The following RBFOX1 variants were observed in gnomAD, a reference collection of about 807,000 sequenced individuals.
RBFOX1 encodes the protein RNA binding fox-1 homolog 1, also known as RNA binding protein fox-1 homolog 1.
Under a neutral mutation model 57.7 loss-of-function variants are expected in RBFOX1, and 8 were observed. The observed-to-expected ratio is 0.14, with a 90% CI of 0.08 to 0.25. The LOEUF (loss-of-function observed/expected upper bound fraction) is 0.25, where lower values mean the gene tolerates loss of function less well. Ranked by LOEUF, RBFOX1 falls within the 10% of genes least tolerant of loss-of-function variation. The pLI is 1.00. For synonymous variants in RBFOX1, 326 were observed against 222.4 expected (o/e 1.47, Z -4.15); for missense variants, 611 against 548.5 (o/e 1.11, Z -1.14).
chr16:7,359,915 C>G (rs907717310), intron 4 of RBFOX1, among the ~76,000 whole-genome samples: 3 of 149,470 alleles, frequency 2.0e-5, no homozygotes, highest in Admixed American at 2.0e-4. Flanking sequence ...ACCCAGGAGG[C>G]GGAGCTTGCA....
At position 6,353,957 on chromosome 16, in the gene RBFOX1, C is replaced by T. The variant is rs147462593; in HGVS notation, c.-64+36900C>T. On this transcript the variant is annotated intron_variant, in intron 2 of 15. Transcript: ENST00000550418. ...GAAGCATAAACACATAAACAGTTCA[C>T]GCCTGTAGTCCCAGTACTTTGGGAC... Among the ~76,000 whole-genome samples the T allele has an allele frequency of 6.6e-5, 10 of 152,200 alleles. No individual in the cohort carries two copies. The East Asian group carries it at 7.7e-4, about 12-fold the overall frequency.
chr16:5,571,111 C>G (rs2046267653), intron 2 of RBFOX1, among the ~76,000 whole-genome samples: 1 of 152,028 alleles, frequency 6.6e-6, no homozygotes, highest in Non-Finnish European at 1.5e-5. Context: ...ACTCCCCCAG[C>G]CCTTCATGTA....
At chr16:6,298,234 C>T (rs935545048) in intron 1 of RBFOX1, among the ~76,000 whole-genome samples, 1 of 152,158 alleles carries the variant, frequency 6.6e-6, no homozygotes, top group Non-Finnish European at 1.5e-5. Context: ...TCATGTCCTG[C>T]GAGGGGGTCA....
chr16:6,121,445 C>T (rs1347685326), intron 1 of RBFOX1, among the ~76,000 whole-genome samples: 4 of 152,186 alleles, frequency 2.6e-5, no homozygotes, highest in African/African-American at 7.2e-5. Flanking sequence ...CTTGATCCTA[C>T]CTGCTTCTCT....
At chr16:5,856,966 C>T (rs539554857) in intron 3 of RBFOX1, among the ~76,000 whole-genome samples, 11 of 152,216 alleles carry the variant, frequency 7.2e-5, no homozygotes, top group Admixed American at 2.0e-4. Context: ...GCATACACAA[C>T]GTGGATAACT....
chr16:5,322,160 C>T (rs766141355), intron 1 of RBFOX1, among the ~76,000 whole-genome samples: 1 of 152,192 alleles, frequency 6.6e-6, no homozygotes, highest in Non-Finnish European at 1.5e-5. Context: ...TTGCTTGGCT[C>T]TTAACAGAAA....
intron 1 of RBFOX1, among the ~76,000 whole-genome samples, chr16:6,054,213 T>C (rs2095586814): frequency 6.6e-6 from 1 of 152,192 alleles, no homozygotes; most frequent in Non-Finnish European, 1.5e-5. Context: ...TTCATCCTGC[T>C]CTGCTTATTA....
At chr16:6,424,471 T>C (rs960781562) in intron 2 of RBFOX1, among the ~76,000 whole-genome samples, 28 of 152,112 alleles carry the variant, frequency 1.8e-4, no homozygotes, top group African/African-American at 6.8e-4. Flanking sequence ...TTTCTAAACA[T>C]TAAAAGTGAA....
chr16:6,079,406 G>T (rs1378663359), intron 1 of RBFOX1, among the ~76,000 whole-genome samples: 1 of 152,174 alleles, frequency 6.6e-6, no homozygotes, highest in Non-Finnish European at 1.5e-5. Flanking sequence ...TGACCTCCTG[G>T]CCTCAAGTGA....
chr16:7,417,783 G>T (rs1367003664), intron 4 of RBFOX1, among the ~76,000 whole-genome samples: 2 of 152,096 alleles, frequency 1.3e-5, no homozygotes, highest in African/African-American at 2.4e-5. Context: ...CTTCATGTTG[G>T]TCACCCTCTG....
intron 3 of RBFOX1, among the ~76,000 whole-genome samples, chr16:7,025,161 C>A (rs893588544): frequency 1.3e-5 from 2 of 152,170 alleles, no homozygotes; most frequent in Admixed American, 1.3e-4. Context: ...AGGCTGCTGC[C>A]TGCCCATTTT....
chr16:5,723,585 G>A lies in RBFOX1; in HGVS notation c.318+124624G>A, dbSNP rs1230855893. ...AGTAGTCAGCCCACAGGAAACTGTG[G>A]ATTAAACAGTGGTTGTCTCAGGCTT... is the stretch of plus-strand genomic sequence containing the variant. On this transcript the variant is annotated intron_variant, in intron 3 of 19. Coordinates refer to the RBFOX1 transcript ENST00000641259. 2.0e-5 allele frequency among the ~76,000 whole-genome samples: 3 copies of A among 152,166 alleles called. No homozygotes were observed. The East Asian group carries it at 5.8e-4, about 29-fold the overall frequency.
At chr16:7,616,346 C>T (rs1212582379) in intron 10 of RBFOX1, among the ~76,000 whole-genome samples, 1 of 152,184 alleles carries the variant, frequency 6.6e-6, no homozygotes, top group African/African-American at 2.4e-5. Flanking sequence ...ACAGCACAGG[C>T]ATAGTGTTAT....
chr16:5,586,696 G>T (rs1384119620), intron 2 of RBFOX1, among the ~76,000 whole-genome samples: 1 of 152,120 alleles, frequency 6.6e-6, no homozygotes, highest in Admixed American at 6.5e-5. Flanking sequence ...AGGGGAACTT[G>T]CTGTATGGCA....
At chr16:5,807,015 C>A (rs1436399) in intron 3 of RBFOX1, among the ~76,000 whole-genome samples, 96 of 152,026 alleles carry the variant, frequency 6.3e-4, no homozygotes, top group Middle Eastern at 3.4e-3. Flanking sequence ...AGAGCTACCC[C>A]CCGACACCTC....
intron 4 of RBFOX1, among the ~76,000 whole-genome samples, chr16:5,968,721 T>C (rs2059901557): frequency 6.6e-6 from 1 of 152,154 alleles, no homozygotes; most frequent in South Asian, 2.1e-4. Context: ...TTTGTTTCGA[T>C]GTGTGATTCC....
chr16:7,697,215 G>T (rs1266719313), intron 14 of RBFOX1, among the ~76,000 whole-genome samples: 2 of 152,144 alleles, frequency 1.3e-5, no homozygotes, highest in Non-Finnish European at 2.9e-5. Flanking sequence ...TGGGTTAGTG[G>T]GGTGGCTGTG....
intron 3 of RBFOX1, among the ~76,000 whole-genome samples, chr16:5,697,162 T>C (rs1373772067): frequency 6.6e-6 from 1 of 152,152 alleles, no homozygotes. Context: ...AATTTTTGCA[T>C]GTTGATTATT....
intron 2 of RBFOX1, among the ~76,000 whole-genome samples, chr16:6,606,891 T>C (rs896187519): frequency 6.6e-6 from 1 of 152,116 alleles, no homozygotes; most frequent in African/African-American, 2.4e-5. Context: ...GATTGCTGGG[T>C]CAAATGGTGT....
Sources: allele counts gnomAD v4.1 joint callset (sites outside exome capture counted in the v4.1 genomes callset), GRCh38; gene constraint gnomAD v4.1.1; transcripts MANE v1.5; gene names NCBI Gene and HGNC (gene_info 2026-07-23, HGNC 2026-07-21).